MXRA8: variants seen among roughly 807,000 people sequenced by gnomAD.
MXRA8 encodes matrix remodeling associated 8, also known as matrix remodeling-associated protein 8.
A neutral mutation model predicts 51.4 loss-of-function variants in MXRA8; 44 were observed. The ratio of observed to expected loss-of-function variants is 0.86; its 90% confidence interval spans 0.67 to 1.10. MXRA8 has a LOEUF of 1.10. MXRA8 is among the 50% of genes least tolerant of loss of function. MXRA8 has a pLI of 0.00. For synonymous variants in MXRA8, 369 were observed against 293.5 expected, an observed-to-expected ratio of 1.26 and a Z score of -2.63; for missense variants, 765 against 638.9, an observed-to-expected ratio of 1.20 and a Z score of -2.13.
chr1:1,353,445 A>G lies in MXRA8; in HGVS notation c.*159T>C. The G allele has an allele frequency of 6.7e-7, 1 of 1,500,936 alleles. No homozygotes were observed. Among genetic ancestry groups the G allele is most frequent in the Non-Finnish European group, 8.9e-7 (1 of 1,122,236 alleles). The allele number at this position is 1,500,936 out of a possible 1,614,324, so 93.0% of individuals were successfully genotyped here. A position where few individuals can be genotyped will look rare whatever the true frequency, so the allele number is the denominator to read the frequency against. ...TATGCTGCCACCAAGCCCCTGGGAG[A>G]GGGGTGTGGAGGCGGCCTCTGCATA... On this transcript the variant is annotated 3_prime_UTR_variant, in exon 10 of 10. Transcript: ENST00000309212.
chr1:1,355,313 A>G lies in MXRA8; in HGVS notation c.409T>C (p.Cys137Arg). ...TGGCAGTAGTGATGGTGCAGGTTGC[A>G]GGTGTACAGCCCCGCGTCCGTCTCC... ...VEETDAGLYT[C>R]NLHHHYCHLY... is the part of the protein sequence containing the mutation. Residue 137 changes from cysteine to arginine, a missense_variant, in exon 4 of 10, where the codon TGC (cysteine) becomes CGC (arginine). By Grantham distance (180) the Cys-to-Arg change is radical (BLOSUM62 -3). Coordinates refer to ENST00000309212, the MANE Select transcript of MXRA8 (RefSeq NM_032348.4). 6.3e-7 allele frequency: 1 copy of G among 1,580,350 alleles called. No homozygotes were observed. The highest frequency in any genetic ancestry group is 8.6e-7 in the Non-Finnish European group (1 of 1,166,602).
chr1:1,358,556 A>AG, upstream of MXRA8: 1 of 1,593,470 alleles, frequency 6.3e-7, no homozygotes, highest in Non-Finnish European at 8.5e-7. Flanking sequence ...GTCTCTCTCC[A>AG]GAAAAACAGC....
chr1:1,359,148 C>G (rs1049789486), upstream of MXRA8: 13 of 985,252 alleles, frequency 1.3e-5, no homozygotes, highest in Non-Finnish European at 1.6e-5. Flanking sequence ...CCTTTACAAC[C>G]TGGAGAGTCA....
upstream of MXRA8, among the ~76,000 whole-genome samples, chr1:1,360,033 T>C (rs541360481): frequency 3.3e-5 from 5 of 152,240 alleles, no homozygotes; most frequent in Admixed American, 3.3e-4. Context: ...TCTCTCCCCA[T>C]GGAGGGAGGA....
upstream of MXRA8, chr1:1,361,695 A>G (rs1227390697): frequency 9.5e-6 from 2 of 211,238 alleles, no homozygotes; most frequent in Admixed American, 5.2e-5. Context: ...CGGAAGCGTT[A>G]GCACAGTTTT....
rs1325921457 is a variant in MXRA8 at position 1,355,088 on chromosome 1, G to A, written c.543C>T (p.Pro181=). The change falls in exon 5 of 10, where the codon CCC becomes CCT. Residue 181 remains proline, a synonymous_variant. Coordinates refer to ENST00000309212, the MANE Select transcript of MXRA8 (RefSeq NM_032348.4). ...KEVLAVARGA[P]ALLTCVNRGH... The stretch of plus-strand genomic sequence containing the variant: ...CGCGGTTCACGCAGGTCAGAAGCGC[G>A]GGTGCGCCGCGCGCCACCGCCAGCA... The A allele has an allele frequency of 1.3e-6, 2 of 1,555,450 alleles. No individual in the cohort carries two copies. The highest frequency in any genetic ancestry group is 2.0e-5 in the Admixed American group (1 of 49,012).
At chr1:1,356,985 G>T (rs553677972) in intron 1 of MXRA8, among the ~76,000 whole-genome samples, 102 of 152,030 alleles carry the variant, frequency 6.7e-4, no homozygotes, top group African/African-American at 2.4e-3. Flanking sequence ...TGTCACCGGG[G>T]CCACTCCACC....
intron 1 of MXRA8, 32 bp from the exon 2 acceptor site, chr1:1,356,736 C>T: frequency 1.4e-6 from 2 of 1,383,744 alleles, no homozygotes; most frequent in South Asian, 1.8e-5. Flanking sequence ...GGAGAGGCCA[C>T]CCACAGCCCC....
intron 1 of MXRA8, 76 bp downstream of exon 1, chr1:1,358,380 G>T: frequency 6.7e-7 from 1 of 1,487,194 alleles, no homozygotes; most frequent in Non-Finnish European, 9.1e-7. Flanking sequence ...AAGCTCAGAT[G>T]GGCGGTTTTG....
Position 1,355,282 on chromosome 1 carries a change from T to A in MXRA8, c.440A>T (p.Tyr147Phe), listed in dbSNP as rs779739924. ...CNLHHHYCHL[Y>F]ESLAVRLEVT... The stretch of plus-strand genomic sequence containing the variant: ...CTCCAGGCGGACGGCCAGGCTCTCG[T>A]AGAGGTGGCAGTAGTGATGGTGCAG... Residue 147 changes from tyrosine to phenylalanine, a missense_variant, in exon 4 of 10, where the codon TAC becomes TTC. By Grantham distance (22) the Tyr-to-Phe change is conservative. Coordinates refer to ENST00000309212, the MANE Select transcript of MXRA8 (RefSeq NM_032348.4). 3 of 1,576,890 alleles carry A rather than the reference T, an allele frequency of 1.9e-6. No individual in the cohort carries two copies. The highest frequency in any genetic ancestry group is 2.6e-6 in the Non-Finnish European group (3 of 1,165,452).
upstream of MXRA8, among the ~76,000 whole-genome samples, chr1:1,359,819 C>A (rs949394517): frequency 6.6e-6 from 1 of 152,218 alleles, no homozygotes; most frequent in Non-Finnish European, 1.5e-5. Context: ...CCCGCCACCC[C>A]CACTCCCTCC....
upstream of MXRA8, among the ~76,000 whole-genome samples, chr1:1,362,005 A>G (rs180740348): frequency 4.6e-5 from 7 of 152,268 alleles, 1 homozygote; most frequent in Admixed American, 2.6e-4. Context: ...TATCAAAAAC[A>G]AAAGAAAATG....
chr1:1,356,817 C>T (rs956817382), intron 1 of MXRA8, 113 bp from the exon 2 acceptor site: 38 of 950,082 alleles, frequency 4.0e-5, no homozygotes, highest in Middle Eastern at 6.8e-4. Flanking sequence ...GCTGTGACAC[C>T]CACTTCAGTG....
chr1:1,355,271 C>G lies in MXRA8; in HGVS notation c.451G>C (p.Ala151Pro). The G allele has an allele frequency of 6.4e-7, 1 of 1,573,122 alleles. No individual in the cohort carries two copies. The highest frequency in any genetic ancestry group is 8.6e-7 in the Non-Finnish European group (1 of 1,163,982). ...CCGTCGGTGACCTCCAGGCGGACGG[C>G]CAGGCTCTCGTAGAGGTGGCAGTAG... ...HHYCHLYESL[A>P]VRLEVTDGPP... Residue 151 changes from alanine to proline, a missense_variant, in exon 4 of 10, where the codon GCC (alanine) becomes CCC (proline). Transcript: ENST00000309212.
upstream of MXRA8, chr1:1,361,619 C>A: frequency 4.9e-6 from 2 of 404,064 alleles, no homozygotes; most frequent in South Asian, 4.8e-5. Context: ...ACTGCTGACA[C>A]CAACACAGAC....
At chr1:1,356,098 TG>T (rs1406782171) in intron 2 of MXRA8, among the ~76,000 whole-genome samples, 1 of 39,298 alleles carries the variant, frequency 2.5e-5, no homozygotes, top group Non-Finnish European at 4.6e-5. Context: ...GGGGCATCTT[TG>T]GGGGGGTGTG....
At chr1:1,358,695 G>C, upstream of MXRA8, 3 of 1,395,364 alleles carry the variant, frequency 2.1e-6, no homozygotes, top group Non-Finnish European at 2.8e-6. Flanking sequence ...TGGCCTGCTG[G>C]GGAGGGGCAG....
chr1:1,355,737 G>T lies in MXRA8; in HGVS notation c.89C>A (p.Ala30Asp). ...VLLHSGSSVPAAAGSSVVSES... is the reference protein window; with the variant it reads ...VLLHSGSSVPDAAGSSVVSES... ...GGACACCACGGAGCTGCCAGCAGCGGCGGGTACCGAGGACCCTGGTGGGGG... is the reference window on the plus strand; with the variant it reads ...GGACACCACGGAGCTGCCAGCAGCGTCGGGTACCGAGGACCCTGGTGGGGG... Residue 30 changes from alanine (A) to aspartate (D), a missense_variant, in exon 3 of 10, where the codon GCC (alanine) becomes GAC (aspartate). Coordinates refer to ENST00000309212, the MANE Select transcript of MXRA8 (RefSeq NM_032348.4). 2 of 1,313,182 alleles carry T rather than the reference G, an allele frequency of 1.5e-6. No homozygotes were observed. The highest frequency in any genetic ancestry group is 1.9e-6 in the Non-Finnish European group (2 of 1,036,322). 81.3% of individuals were successfully genotyped at this position (1,313,182 alleles called of 1,614,324 possible).
Position 1,354,880 on chromosome 1 carries a change from C to G in MXRA8, c.751G>C (p.Glu251Gln). The G allele has an allele frequency of 1.2e-6, 2 of 1,611,716 alleles. No individual in the cohort carries two copies. The highest frequency in any genetic ancestry group is 8.5e-7 in the Non-Finnish European group (1 of 1,179,542). ...DRVAVGADAF[E>Q]RGDFSLRIEP... ...ATACGCAGTGAGAAGTCACCGCGCT[C>G]AAAGGCATCCGCGCCCACAGCCACG... Residue 251 changes from glutamate (E) to glutamine (Q), a missense_variant, in exon 5 of 10, where the codon GAG (glutamate) becomes CAG (glutamine). Physicochemically the swap from Glu to Gln is conservative, Grantham distance 29. Transcript: ENST00000309212.
Sources: gnomAD v4.1 joint callset for allele counts (sites outside exome capture counted in the v4.1 genomes callset) on GRCh38, gnomAD v4.1.1 for gene constraint, MANE v1.5 for transcripts, NCBI Gene and HGNC (gene_info 2026-07-23, HGNC 2026-07-21) for gene names.